ZBTB49: variants seen among roughly 807,000 people sequenced by gnomAD.
ZBTB49 encodes the protein zinc finger and BTB domain-containing protein 49.
Under a neutral mutation model 57.5 loss-of-function variants are expected in ZBTB49, and 43 were observed. The ratio of observed to expected loss-of-function variants is 0.75; its 90% CI spans 0.59 to 0.97. The LOEUF is 0.97. ZBTB49 is among the 50% of genes least tolerant of loss of function. The probability of loss-of-function intolerance (pLI) is 0.00; values close to 1 mark genes in which losing one functional copy is unlikely to be tolerated. For synonymous variants in ZBTB49, 369 were observed against 362.1 expected (o/e 1.02, Z -0.22); for missense variants, 938 against 947.7 (o/e 0.99, Z 0.13).
intron 1 of ZBTB49, 145 bp from the exon 2 acceptor site, chr4:4,299,781 GT>G: frequency 4.0e-6 from 1 of 247,004 alleles, no homozygotes; most frequent in Non-Finnish European, 8.3e-6. Flanking sequence ...ACAGAGGTGT[GT>G]GTGTGTGTGT....
chr4:4,299,534 A>G (rs1720377368), intron 1 of ZBTB49, among the ~76,000 whole-genome samples: 1 of 152,146 alleles, frequency 6.6e-6, no homozygotes, highest in African/African-American at 2.4e-5. Context: ...TATTTGACAT[A>G]TTCCTAAGTA....
chr4:4,302,070 C>G lies in ZBTB49; in HGVS notation c.234C>G (p.Ile78Met), dbSNP rs1483371018. 1 of 1,613,396 alleles carries G rather than the reference C, an allele frequency of 6.2e-7. No homozygotes were observed. The highest frequency in any genetic ancestry group is 8.5e-7 in the Non-Finnish European group (1 of 1,179,502). Reference protein sequence around the residue: ...DVKNVSGIGQILDFMYTSHLD... With the variant: ...DVKNVSGIGQMLDFMYTSHLD... ...AAAATGTCAGTGGCATAGGGCAGAT[C>G]CTGGACTTCATGTACACTTCTCATC... Residue 78 changes from isoleucine to methionine, a missense_variant, in exon 3 of 8, where the codon ATC becomes ATG. By Grantham distance (10) the Ile-to-Met change is conservative. Transcript: ENST00000337872.
Position 4,302,498 on chromosome 4 carries a change from G to A in ZBTB49, c.662G>A (p.Ser221Asn), listed in dbSNP as rs765406962. ...NYYYKLRNFY[S>N]KQYHKHAAGP... ...TATTACAAACTCAGAAACTTTTACA[G>A]TAAGCAGTACCATAAACACGCAGCT... The change falls in exon 3 of 8, where the codon AGT becomes AAT. Residue 221 changes from serine (S) to asparagine (N), a missense_variant. By Grantham distance (46) the Ser-to-Asn change is conservative. Around this residue, in one of 3 missense-constraint regions of ZBTB49, gnomAD observed 835 missense variants for 819.1 expected, o/e 1.02. Transcript: ENST00000337872. 5 of 1,614,126 alleles carry A rather than the reference G, an allele frequency of 3.1e-6. No homozygotes were observed. In the South Asian group the frequency reaches 5.5e-5, roughly 18 times the overall value.
chr4:4,298,077 A>G (rs1467306665), intron 1 of ZBTB49, among the ~76,000 whole-genome samples: 2 of 152,230 alleles, frequency 1.3e-5, no homozygotes, highest in African/African-American at 2.4e-5. Context: ...TCCATATGCC[A>G]GATACTAGTC....
chr4:4,313,204 C>T (rs1721047359), intron 5 of ZBTB49, 90 bp downstream of exon 5: 4 of 1,462,908 alleles, frequency 2.7e-6, no homozygotes, highest in Non-Finnish European at 3.8e-6. Context: ...TGGTGGCTCA[C>T]AGATGAGCCA....
At position 4,302,667 on chromosome 4, in the gene ZBTB49, G is replaced by C; in HGVS notation, c.831G>C (p.Leu277=). The change falls in exon 3 of 8, where the codon CTG becomes CTC. Residue 277 remains leucine, a synonymous_variant. Coordinates refer to ENST00000337872, the MANE Select transcript of ZBTB49 (RefSeq NM_145291.4). ...CCGAGCACTTACCTTCCAACTTCCT[G>C]GCCCAGCCTGTGAATGACTCTGCCC... is the stretch of plus-strand genomic sequence containing the variant. ...ESPEHLPSNF[L]AQPVNDSAPH... 1.2e-6 allele frequency: 2 copies of C among 1,610,442 alleles called. No homozygotes were observed. The highest frequency in any genetic ancestry group is 8.5e-7 in the Non-Finnish European group (1 of 1,177,958).
Position 4,302,025 on chromosome 4 carries a change from T to A in ZBTB49, c.189T>A (p.Asp63Glu), listed in dbSNP as rs774889259. Residue 63 changes from aspartate (D) to glutamate (E), a missense_variant, in exon 3 of 8, where the codon GAT becomes GAA. Around this residue, in one of 3 missense-constraint regions of ZBTB49, gnomAD observed 100 missense variants for 112.5 expected, o/e 0.89. Coordinates refer to ENST00000337872, the MANE Select transcript of ZBTB49 (RefSeq NM_145291.4). ...AGAATTCTTCAAGCCAGAAGAATGATGTTTTTCACTTGGATGTTAAAAATG... is the reference window on the plus strand; with the variant it reads ...AGAATTCTTCAAGCCAGAAGAATGAAGTTTTTCACTTGGATGTTAAAAATG... Reference protein sequence around the residue: ...LFQNSSSQKNDVFHLDVKNVS... With the variant: ...LFQNSSSQKNEVFHLDVKNVS... The A allele has an allele frequency of 5.7e-6, 9 of 1,585,864 alleles. No homozygotes were observed. The South Asian group carries it at 9.2e-5, about 16-fold the overall frequency.
At chr4:4,315,565 G>C (rs1467059886) in intron 5 of ZBTB49, 71 bp from the exon 6 acceptor site, 6 of 1,467,722 alleles carry the variant, frequency 4.1e-6, no homozygotes, top group Non-Finnish European at 5.6e-6. Flanking sequence ...TCCTCCCTCA[G>C]AGAGTTGCAG....
Sources: allele counts gnomAD v4.1 joint callset (sites outside exome capture counted in the v4.1 genomes callset), GRCh38; gene constraint gnomAD v4.1.1; regional missense constraint gnomAD v4.1.1; transcripts MANE v1.5; gene names NCBI Gene and HGNC (gene_info 2026-07-23, HGNC 2026-07-21).